Variants in LSS observed in about 807,000 individuals in gnomAD.
LSS encodes the protein lanosterol synthase, also known as 2,3-epoxysqualene-lanosterol cyclase.
In LSS, 90 loss-of-function variants were observed where a neutral mutation model predicts 110.3. The observed-to-expected ratio is 0.82, with a 90% CI of 0.69 to 0.97. The LOEUF is 0.97. Ranked by LOEUF, LSS falls within the 50% of genes least tolerant of loss-of-function variation. LSS has a pLI of 0.00. For missense variants in LSS, 927 were observed against 990.0 expected (o/e 0.94, Z 0.85); for synonymous variants, 433 against 400.0 (o/e 1.08, Z -0.98).
At chr21:46,212,229 C>A (rs1194680946) in intron 11 of LSS, among the ~76,000 whole-genome samples, 1 of 152,212 alleles carries the variant, frequency 6.6e-6, no homozygotes, top group Non-Finnish European at 1.5e-5. Flanking sequence ...GCTGGGGGCA[C>A]CTGGCACCAA....
chr21:46,199,419 C>T (rs117106063), intron 17 of LSS, among the ~76,000 whole-genome samples: 6,629 of 152,270 alleles, frequency 0.044, 192 homozygotes, highest in Middle Eastern at 0.12. Context: ...CTGGTGGAAA[C>T]GCAAATGGTG....
intron 3 of LSS, chr21:46,225,397 C>A: frequency 2.2e-6 from 1 of 453,230 alleles, no homozygotes; most frequent in South Asian, 1.6e-5. Flanking sequence ...CGTGGTCTAG[C>A]GGTAGCGTCA....
At chr21:46,196,312 G>T (rs1351830523) in intron 17 of LSS, 45 bp from the exon 18 acceptor site, 3 of 1,475,806 alleles carry the variant, frequency 2.0e-6, no homozygotes, top group Non-Finnish European at 2.8e-6. Flanking sequence ...TAAAACAGCA[G>T]TTTACCTATC....
rs912853239 is a variant in LSS, at chr21:46,222,265, C to T, written c.429-290G>A. ...AAGGGCGGTCCACTTTGGGCTATGG[C>T]TCTGCTCCCAAAGTGTGTGCCACAT... On this transcript the variant is annotated intron_variant, in intron 4 of 21. Transcript: ENST00000397728. 3.9e-4 allele frequency: 208 copies of T among 533,380 alleles called. 2 individuals are homozygous for T. Among genetic ancestry groups the T allele is most frequent in the Middle Eastern group, 3.6e-3 (7 of 1,956 alleles). The allele number at this position is 533,380 out of a possible 1,614,324, so 33.0% of individuals were successfully genotyped here. A position where few individuals can be genotyped will look rare whatever the true frequency, so the allele number is the denominator to read the frequency against.
chr21:46,204,248 TCACGC>T (rs1174889174), intron 17 of LSS, among the ~76,000 whole-genome samples: 4 of 151,950 alleles, frequency 2.6e-5, no homozygotes, highest in African/African-American at 9.7e-5. Flanking sequence ...TGAACTGAGA[TCACGC>T]CACTGCTCCC....
At chr21:46,221,693 G>C (rs991942532) in intron 5 of LSS, 161 bp downstream of exon 5, 1 of 1,052,904 alleles carries the variant, frequency 9.5e-7, no homozygotes. Context: ...ATGATGCCTA[G>C]GTTAAACAGT....
intron 17 of LSS, among the ~76,000 whole-genome samples, chr21:46,198,042 A>G (rs1017447462): frequency 1.8e-4 from 28 of 152,290 alleles, no homozygotes; most frequent in Middle Eastern, 3.4e-3. Context: ...ATATATAATC[A>G]TCTCAAAGCA....
At chr21:46,195,650 C>G (rs1325082025) in intron 19 of LSS, 26 bp downstream of exon 19, 1 of 1,603,606 alleles carries the variant, frequency 6.2e-7, no homozygotes, top group Non-Finnish European at 8.5e-7. Flanking sequence ...GAACCCCCAC[C>G]CACCAGAGGA....
intron 9 of LSS, 30 bp downstream of exon 9, chr21:46,215,149 CT>C: frequency 6.3e-7 from 1 of 1,575,782 alleles, no homozygotes; most frequent in African/African-American, 1.3e-5. Flanking sequence ...CCCCCAGGGG[CT>C]GCAGTCAGAG....
chr21:46,195,240 G>A (rs1346118902), intron 19 of LSS, among the ~76,000 whole-genome samples: 1 of 152,180 alleles, frequency 6.6e-6, no homozygotes, highest in Non-Finnish European at 1.5e-5. Context: ...TGTGGGACCA[G>A]GGAAACATCT....
intron 13 of LSS, 50 bp from the exon 14 acceptor site, chr21:46,208,351 G>A: frequency 2.0e-6 from 3 of 1,481,778 alleles, no homozygotes; most frequent in Non-Finnish European, 2.8e-6. Context: ...GTCACCACGG[G>A]ACGTCCCCAT....
In LSS at chr21:46,200,032, C is replaced by T. The variant is rs115285452; in HGVS notation, c.1671-3765G>A. 8.5e-3 allele frequency among the ~76,000 whole-genome samples: 1,299 copies of T among 152,230 alleles called. 16 individuals are homozygous for T. Among genetic ancestry groups the T allele is most frequent in the African/African-American group, 0.03 (1,233 of 41,514 alleles). On this transcript the variant is annotated intron_variant, in intron 17 of 21. Coordinates refer to ENST00000397728, the MANE Select transcript of LSS (RefSeq NM_002340.6). The stretch of plus-strand genomic sequence containing the variant: ...CTTGAGGGAAGGTGCGAGGAGTTAG[C>T]GGCTTTATGGGAACACTGCATCTTC...
chr21:46,213,199 C>G, intron 10 of LSS, 147 bp from the exon 11 acceptor site: 2 of 745,518 alleles, frequency 2.7e-6, no homozygotes, highest in Non-Finnish European at 4.7e-6. Context: ...CCCAGCTGGG[C>G]TGCTGGGCTC....
Position 46,195,683 on chromosome 21 carries a change from G to C in LSS, c.1810C>G (p.Arg604Gly), listed in dbSNP as rs369619415. ...EAFACMGQTY[R>G]DGTACAEVSR... is the part of the protein sequence containing the mutation. The stretch of plus-strand genomic sequence containing the variant: ...GGACAGGCACTCACTCACCCATCTC[G>C]GTAGGTCTGCCCCATACAGGCGAAG... Residue 604 changes from arginine to glycine, a missense_variant, in exon 19 of 22, where the codon CGA (arginine) becomes GGA (glycine). Physicochemically the swap from Arg to Gly is moderately radical, Grantham distance 125 (BLOSUM62 -2). Transcript: ENST00000397728. 3.1e-6 allele frequency: 5 copies of C among 1,613,806 alleles called. No homozygotes were observed. Among genetic ancestry groups the C allele is most frequent in the Non-Finnish European group, 3.4e-6 (4 of 1,179,928 alleles).
chr21:46,196,269 T>C lies in LSS; in HGVS notation c.1671-2A>G. ...TCTAAGCCCTGCGTGAGGGTCTCCC[T>C]GGAACACGAGATTGGTCCAGTGAAC... On this transcript the variant is annotated splice_acceptor_variant, in intron 17 of 21. Transcript: ENST00000397728. LOFTEE classifies it high-confidence loss of function. 1 of 1,613,992 alleles carries C rather than the reference T, an allele frequency of 6.2e-7. No individual in the cohort carries two copies. The highest frequency in any genetic ancestry group is 8.5e-7 in the Non-Finnish European group (1 of 1,179,868).
At position 46,196,276 on chromosome 21, in the gene LSS, C is replaced by T. The variant is rs376093372; in HGVS notation, c.1671-9G>A. On this transcript the variant is annotated splice_polypyrimidine_tract_variant and intron_variant, in intron 17 of 21. Coordinates refer to ENST00000397728, the MANE Select transcript of LSS (RefSeq NM_002340.6). ...CCTGCGTGAGGGTCTCCCTGGAACA[C>T]GAGATTGGTCCAGTGAACATTCTGG... is the stretch of plus-strand genomic sequence containing the variant. The T allele has an allele frequency of 1.7e-5, 28 of 1,612,956 alleles. No individual in the cohort carries two copies. Among genetic ancestry groups the T allele is most frequent in the Admixed American group, 1.5e-4 (9 of 60,006 alleles).
chr21:46,202,803 G>A (rs1001219388), intron 17 of LSS, among the ~76,000 whole-genome samples: 5 of 152,172 alleles, frequency 3.3e-5, no homozygotes, highest in African/African-American at 7.2e-5. Flanking sequence ...CTTGAGCCCG[G>A]AAGTTTGAGA....
chr21:46,197,846 G>A (rs2079928825), intron 17 of LSS, among the ~76,000 whole-genome samples: 1 of 151,274 alleles, frequency 6.6e-6, no homozygotes, highest in Admixed American at 6.6e-5. Flanking sequence ...CTGAGATTGT[G>A]CCACTGGACT....
In LSS at chr21:46,205,818, G is replaced by A. The variant is rs375133853; in HGVS notation, c.1670+18C>T. ...CGACTTGGCAGCGCCCACACTGAAT[G>A]GCTGAGACCCTCCTTACCGGATCTC... On this transcript the variant is annotated intron_variant, in intron 17 of 21. Coordinates refer to ENST00000397728, the MANE Select transcript of LSS (RefSeq NM_002340.6). 5.2e-5 allele frequency: 82 copies of A among 1,580,786 alleles called. No individual in the cohort carries two copies. The highest frequency in any genetic ancestry group is 6.8e-5 in the Non-Finnish European group (79 of 1,161,252).
Sources: allele counts gnomAD v4.1 joint callset (sites outside exome capture counted in the v4.1 genomes callset), GRCh38; gene constraint gnomAD v4.1.1; transcripts MANE v1.5; gene names NCBI Gene and HGNC (gene_info 2026-07-23, HGNC 2026-07-21).